ZCCHC2: variants seen among roughly 807,000 people sequenced by gnomAD.
ZCCHC2 encodes the protein zinc finger CCHC-type containing 2.
A neutral mutation model predicts 103.6 loss-of-function variants in ZCCHC2; 39 were observed. The ratio of observed to expected loss-of-function variants is 0.38; its 90% CI spans 0.29 to 0.49. The LOEUF is 0.49. ZCCHC2 is among the 20% of genes least tolerant of loss of function. ZCCHC2 has a pLI of 0.96. For synonymous variants in ZCCHC2, 687 were observed against 608.9 expected (o/e 1.13, Z -1.89); for missense variants, 1,483 against 1,491.0 (o/e 0.99, Z 0.09).
At chr18:62,582,858 T>C (rs151333440), downstream of ZCCHC2, among the ~76,000 whole-genome samples, 4 of 152,320 alleles carry the variant, frequency 2.6e-5, no homozygotes, top group Non-Finnish European at 4.4e-5. Flanking sequence ...CCCAACACTT[T>C]GGGAGGCCAA....
intron 9 of ZCCHC2, among the ~76,000 whole-genome samples, 167 bp downstream of exon 9, chr18:62,563,311 C>T (rs1451302631): frequency 6.6e-6 from 1 of 152,054 alleles, no homozygotes; most frequent in Non-Finnish European, 1.5e-5. Context: ...CTTCTGAGAC[C>T]TGAAAATGTG....
intron 4 of ZCCHC2, among the ~76,000 whole-genome samples, chr18:62,547,718 C>T (rs1216736630): frequency 2.6e-5 from 4 of 152,036 alleles, no homozygotes; most frequent in African/African-American, 4.8e-5. Flanking sequence ...TGCACCACCA[C>T]ACCCGGCTAA....
chr18:62,544,836 CA>C lies in ZCCHC2; in HGVS notation c.1168del (p.Thr390ProfsTer10). On this transcript the variant is annotated frameshift_variant, in exon 4 of 14. Transcript: ENST00000269499. LOFTEE classifies it high-confidence loss of function. ...TCTGATCTTTCAGTCACAACAGTAA[CA>C]AAAACCCACCAAGAACTACAGGAAT... ...NWSDLSVTTVTKTHQELQEFL... is the reference protein window; with the variant it reads ...NWSDLSVTTVXKTHQELQEFL... 2 of 1,542,552 alleles carry C rather than the reference CA, an allele frequency of 1.3e-6. No individual in the cohort carries two copies.
intron 1 of ZCCHC2, 145 bp downstream of exon 1, chr18:62,524,508 G>A (rs1190898332): frequency 3.1e-6 from 4 of 1,301,362 alleles, no homozygotes; most frequent in South Asian, 3.3e-5. Flanking sequence ...CAGCGCCAGA[G>A]GGCTGAGCTT....
rs1256211530 is a variant in ZCCHC2, at chr18:62,544,800, A to G, written c.1129-2A>G. On this transcript the variant is annotated splice_acceptor_variant, in intron 3 of 13. Transcript: ENST00000269499. LOFTEE classifies it high-confidence loss of function. ...ATAATATGTGTGTTTTTTTTAAATC[A>G]GGTAAATTGGTCTGATCTTTCAGTC... 1.3e-6 allele frequency: 2 copies of G among 1,541,618 alleles called. No individual in the cohort carries two copies. Among genetic ancestry groups the G allele is most frequent in the Admixed American group, 4.2e-5 (2 of 47,764 alleles).
At chr18:62,529,141 CAG>C (rs1363079210) in intron 1 of ZCCHC2, among the ~76,000 whole-genome samples, 1 of 111,318 alleles carries the variant, frequency 9.0e-6, no homozygotes, top group African/African-American at 3.6e-5. Flanking sequence ...GCCTGGGTGA[CAG>C]AGTGAGACAA....
chr18:62,572,263 G>C (rs116751857), intron 12 of ZCCHC2, among the ~76,000 whole-genome samples: 230 of 152,274 alleles, frequency 1.5e-3, no homozygotes, highest in African/African-American at 5.3e-3. Context: ...CAAACTTTCA[G>C]TATGTTTCAT....
chr18:62,549,564 G>A (rs995902577), intron 4 of ZCCHC2, among the ~76,000 whole-genome samples: 10 of 152,210 alleles, frequency 6.6e-5, no homozygotes, highest in Admixed American at 6.5e-4. Flanking sequence ...TAGTGAAAGT[G>A]CCAGTAATAG....
At chr18:62,534,486 G>C (rs1914836014) in intron 1 of ZCCHC2, among the ~76,000 whole-genome samples, 1 of 152,122 alleles carries the variant, frequency 6.6e-6, no homozygotes, top group Non-Finnish European at 1.5e-5. Context: ...TGTAGTGTTT[G>C]ATCTCCAGTT....
chr18:62,524,103 G>C lies in ZCCHC2; in HGVS notation c.679G>C (p.Gly227Arg). ...GGACGAGCGCGGCGAGGACGGCGACGGCGAGCAGGACGCCGAGAAGGACGG... is the reference window on the plus strand; with the variant it reads ...GGACGAGCGCGGCGAGGACGGCGACCGCGAGCAGGACGCCGAGAAGGACGG... The part of the protein sequence containing the change: ...AEDERGEDGD[G>R]EQDAEKDGSG... The change falls in exon 1 of 14, where the codon GGC (glycine) becomes CGC (arginine). Residue 227 changes from glycine to arginine, a missense_variant. Around this residue, in one of 3 missense-constraint regions of ZCCHC2, gnomAD observed 568 missense variants for 525.1 expected, o/e 1.08. Coordinates refer to ENST00000269499, the MANE Select transcript of ZCCHC2 (RefSeq NM_017742.6). The C allele has an allele frequency of 6.6e-7, 1 of 1,521,316 alleles. No individual in the cohort carries two copies. 94.2% of individuals were successfully genotyped at this position (1,521,316 alleles called of 1,614,324 possible).
At chr18:62,546,432 A>G (rs956019102) in intron 4 of ZCCHC2, among the ~76,000 whole-genome samples, 4 of 152,240 alleles carry the variant, frequency 2.6e-5, no homozygotes, top group African/African-American at 9.6e-5. Context: ...AATAGAAGAA[A>G]TTTATCAAAA....
chr18:62,564,447 G>T lies in ZCCHC2; in HGVS notation c.1687-124G>T, dbSNP rs986116222. On this transcript the variant is annotated intron_variant, in intron 9 of 13. Coordinates refer to ENST00000269499, the MANE Select transcript of ZCCHC2 (RefSeq NM_017742.6). ...TTCAGGTGGGAAACTTCAAAAATAGGTTGGAAATCAACACTTGTTAGAATA... is the reference window on the plus strand; with the variant it reads ...TTCAGGTGGGAAACTTCAAAAATAGTTTGGAAATCAACACTTGTTAGAATA... The T allele has an allele frequency of 1.8e-5, 12 of 654,254 alleles. No homozygotes were observed. In the African/African-American group the frequency reaches 2.2e-4, roughly 12 times the overall value. The allele number at this position is 654,254 out of a possible 1,614,324, so 40.5% of individuals were successfully genotyped here. A position where few individuals can be genotyped will look rare whatever the true frequency, so the allele number is the denominator to read the frequency against.
intron 3 of ZCCHC2, among the ~76,000 whole-genome samples, chr18:62,544,572 A>T (rs1915333519): frequency 6.6e-6 from 1 of 152,222 alleles, no homozygotes; most frequent in African/African-American, 2.4e-5. Flanking sequence ...GATAGGTTTT[A>T]AAAAGTGCCA....
At chr18:62,539,194 T>G (rs1343531722) in intron 1 of ZCCHC2, among the ~76,000 whole-genome samples, 1 of 152,248 alleles carries the variant, frequency 6.6e-6, no homozygotes, top group Non-Finnish European at 1.5e-5. Context: ...ACCTTAATGG[T>G]AAACTCCCTG....
At chr18:62,565,186 C>T in intron 11 of ZCCHC2, 90 bp downstream of exon 11, 1 of 952,940 alleles carries the variant, frequency 1.0e-6, no homozygotes, top group Non-Finnish European at 1.6e-6. Flanking sequence ...GCTGTTGTGT[C>T]AAATCCTAAT....
chr18:62,546,304 A>T (rs550798955), intron 4 of ZCCHC2, among the ~76,000 whole-genome samples: 45 of 152,308 alleles, frequency 3.0e-4, no homozygotes, highest in African/African-American at 1.0e-3. Flanking sequence ...AGTGCACCCC[A>T]TTGGAGAAAA....
chr18:62,549,882 C>T (rs946176686), intron 4 of ZCCHC2, among the ~76,000 whole-genome samples: 4 of 152,162 alleles, frequency 2.6e-5, no homozygotes, highest in Non-Finnish European at 5.9e-5. Flanking sequence ...TCTGACATTG[C>T]CTGAGAGTAA....
At chr18:62,556,148 T>C (rs1224717404) in intron 5 of ZCCHC2, 55 bp from the exon 6 acceptor site, 2 of 1,402,280 alleles carry the variant, frequency 1.4e-6, no homozygotes, top group East Asian at 4.9e-5. Flanking sequence ...AAACTGAGCT[T>C]CTTGTGGATT....
chr18:62,555,386 T>G (rs982219287), intron 5 of ZCCHC2, among the ~76,000 whole-genome samples: 1 of 152,236 alleles, frequency 6.6e-6, no homozygotes, highest in African/African-American at 2.4e-5. Flanking sequence ...CAGTTAGTCA[T>G]GCCTTAGGTT....
Sources: allele counts gnomAD v4.1 joint callset (sites outside exome capture counted in the v4.1 genomes callset), GRCh38; gene constraint gnomAD v4.1.1; regional missense constraint gnomAD v4.1.1; transcripts MANE v1.5; gene names NCBI Gene and HGNC (gene_info 2026-07-23, HGNC 2026-07-21).